GAD2: variants seen among roughly 807,000 people sequenced by gnomAD.
GAD2 encodes glutamate decarboxylase 2, also known as 65 kDa glutamic acid decarboxylase.
GAD2 carries 22 observed loss-of-function variants against 80.1 expected under a neutral mutation model. That is an observed-to-expected ratio of 0.27 (90% CI 0.20 to 0.39). GAD2 has a LOEUF of 0.39. GAD2 is among the 10% of genes least tolerant of loss of function. The probability of loss-of-function intolerance (pLI) is 1.00; values close to 1 mark genes in which losing one functional copy is unlikely to be tolerated. For missense variants in GAD2, 624 were observed against 738.4 expected (o/e 0.85, Z 1.80); for synonymous variants, 274 against 256.9 (o/e 1.07, Z -0.64).
intron 7 of GAD2, among the ~76,000 whole-genome samples, chr10:26,234,338 C>CA (rs35871778): frequency 0.29 from 36,525 of 126,232 alleles, 4,758 homozygotes; most frequent in East Asian, 0.36. Flanking sequence ...AAAAAAAAGA[C>CA]AAAAAAAAAA....
Position 26,301,675 on chromosome 10 carries a change from T to A in GAD2, c.*714T>A, listed in dbSNP as rs1834331275. ...AGGTATTATTGCTTCTTTCTATACA[T>A]GTTATGGCTTATCACATCTCTAAAG... On this transcript the variant is annotated 3_prime_UTR_variant, in exon 16 of 16. Coordinates refer to ENST00000376261, the MANE Select transcript of GAD2 (RefSeq NM_001134366.2). 1 of 152,238 alleles carries A rather than the reference T, an allele frequency of 6.6e-6. No homozygotes were observed. 9.4% of individuals were successfully genotyped at this position (152,238 alleles called of 1,614,324 possible).
intron 8 of GAD2, among the ~76,000 whole-genome samples, chr10:26,268,862 A>G (rs1168186437): frequency 6.6e-6 from 1 of 152,232 alleles, no homozygotes; most frequent in African/African-American, 2.4e-5. Flanking sequence ...GCTTCTGTGC[A>G]CAGCAGAGGG....
chr10:26,270,932 C>T (rs1008786541), intron 10 of GAD2, among the ~76,000 whole-genome samples, 176 bp downstream of exon 10: 1 of 152,140 alleles, frequency 6.6e-6, no homozygotes, highest in African/African-American at 2.4e-5. Context: ...ACAGTACACA[C>T]CGTGCACCAG....
chr10:26,291,615 G>A (rs866677793), intron 13 of GAD2, among the ~76,000 whole-genome samples: 5 of 152,184 alleles, frequency 3.3e-5, no homozygotes, highest in African/African-American at 7.2e-5. Flanking sequence ...CTCTGCTGGA[G>A]AAGTTACTGG....
intron 11 of GAD2, among the ~76,000 whole-genome samples, chr10:26,275,087 C>T (rs906919412): frequency 6.6e-6 from 1 of 152,190 alleles, no homozygotes; most frequent in Non-Finnish European, 1.5e-5. Context: ...TCTTGAAGAT[C>T]TGCAAGAAAG....
rs2839672 is a variant in GAD2 at position 26,219,214 on chromosome 10, C to A, written c.458C>A (p.Pro153Gln). 6.6e-3 allele frequency: 10,633 copies of A among 1,613,700 alleles called. 41 individuals carry two copies. Among genetic ancestry groups the A allele is most frequent in the Non-Finnish European group, 7.6e-3 (9,023 of 1,179,804 alleles). Residue 153 changes from proline to glutamine, a missense_variant, in exon 4 of 16, where the codon CCA (proline) becomes CAA (glutamine). Transcript: ENST00000376261. The part of the protein sequence containing the change: ...QEYNWELADQ[P>Q]QNLEEILMHC... Reference sequence around the variant, plus strand: ...TATAATTGGGAATTGGCAGACCAACCACAAAATTTGGAGGAAATTTTGATG... The same window carrying A: ...TATAATTGGGAATTGGCAGACCAACAACAAAATTTGGAGGAAATTTTGATG...
At chr10:26,277,877 G>A (rs1438823848) in intron 11 of GAD2, among the ~76,000 whole-genome samples, 1 of 152,174 alleles carries the variant, frequency 6.6e-6, no homozygotes, top group Non-Finnish European at 1.5e-5. Context: ...TAAGAGCACA[G>A]GGAGATGTCT....
intron 3 of GAD2, among the ~76,000 whole-genome samples, chr10:26,218,547 T>TCACA (rs1330661129): frequency 2.0e-4 from 13 of 66,244 alleles, no homozygotes; most frequent in African/African-American, 5.0e-4. Flanking sequence ...TCTCTCTCTC[T>TCACA]CTCTCACACA....
intron 11 of GAD2, among the ~76,000 whole-genome samples, chr10:26,276,514 T>G (rs1589150826): frequency 6.6e-6 from 1 of 152,174 alleles, no homozygotes; most frequent in Non-Finnish European, 1.5e-5. Context: ...CCTGAGTAGC[T>G]GGGGTTACAG....
At chr10:26,218,965 G>A (rs1844419854) in intron 3 of GAD2, 78 bp from the exon 4 acceptor site, 1 of 1,073,182 alleles carries the variant, frequency 9.3e-7, no homozygotes, top group Non-Finnish European at 1.3e-6. Context: ...TCAAAGAAAT[G>A]TTATTGCCTC....
At chr10:26,239,388 C>G (rs752773834) in intron 7 of GAD2, among the ~76,000 whole-genome samples, 1 of 152,136 alleles carries the variant, frequency 6.6e-6, no homozygotes, top group Admixed American at 6.5e-5. Context: ...CAAGAAGACC[C>G]CTGGTCTTGC....
rs1160798199 is a variant in GAD2, at chr10:26,217,481, G to A, written c.77-129G>A. ...CTGCCGGCCTCACCGAGTCCTGAGC[G>A]GCCCCCAGGAGGAAGGCGGCCCCTC... is the stretch of plus-strand genomic sequence containing the variant. On this transcript the variant is annotated intron_variant, in intron 1 of 15. Transcript: ENST00000376261. The surrounding 1 kb of genome is among the most constrained non-coding windows in gnomAD (Gnocchi z 4.9). 2.1e-6 allele frequency: 2 copies of A among 944,552 alleles called. No homozygotes were observed. The highest frequency in any genetic ancestry group is 1.5e-5 in the South Asian group (1 of 68,280). 58.5% of individuals were successfully genotyped at this position (944,552 alleles called of 1,614,324 possible).
intron 7 of GAD2, among the ~76,000 whole-genome samples, chr10:26,237,827 G>A (rs903557448): frequency 2.0e-5 from 3 of 152,058 alleles, no homozygotes; most frequent in African/African-American, 7.2e-5. Context: ...GGCCAACATG[G>A]TGAGACCCCA....
At chr10:26,261,975 C>T (rs905521625) in intron 8 of GAD2, among the ~76,000 whole-genome samples, 11 of 152,090 alleles carry the variant, frequency 7.2e-5, no homozygotes, top group East Asian at 5.8e-4. Context: ...TGATGCAATG[C>T]GAATCTTGAA....
chr10:26,291,081 A>G (rs897208629), intron 13 of GAD2, among the ~76,000 whole-genome samples: 2 of 152,212 alleles, frequency 1.3e-5, no homozygotes, highest in African/African-American at 4.8e-5. Flanking sequence ...TTCCCATCTG[A>G]TCAGAGAGTT....
At chr10:26,280,536 C>T (rs1315854756) in intron 11 of GAD2, among the ~76,000 whole-genome samples, 1 of 152,092 alleles carries the variant, frequency 6.6e-6, no homozygotes, top group African/African-American at 2.4e-5. Flanking sequence ...CCAAAGGAGG[C>T]AATCAGTTAT....
At chr10:26,265,485 G>A (rs947456557) in intron 8 of GAD2, among the ~76,000 whole-genome samples, 1 of 151,848 alleles carries the variant, frequency 6.6e-6, no homozygotes, top group Non-Finnish European at 1.5e-5. Flanking sequence ...TTACAGGTGC[G>A]AGCCACCGAG....
chr10:26,245,392 AATAAAT>A (rs1342454188), intron 7 of GAD2, among the ~76,000 whole-genome samples: 3 of 152,012 alleles, frequency 2.0e-5, no homozygotes, highest in Non-Finnish European at 2.9e-5. Context: ...ATAAAAAAAA[AATAAAT>A]AAAAACGGTT....
chr10:26,254,574 A>G (rs1358890631), intron 8 of GAD2, among the ~76,000 whole-genome samples: 1 of 152,210 alleles, frequency 6.6e-6, no homozygotes, highest in African/African-American at 2.4e-5. Context: ...ACTGAAAAGA[A>G]GAGAGGACTT....
Sources: gnomAD v4.1 joint callset for allele counts (sites outside exome capture counted in the v4.1 genomes callset) on GRCh38, gnomAD v4.1.1 for gene constraint, Gnocchi (gnomAD v3.1) non-coding constraint, MANE v1.5 for transcripts, NCBI Gene and HGNC (gene_info 2026-07-23, HGNC 2026-07-21) for gene names.